The following LARP1 variants were observed in gnomAD, a reference collection of about 807,000 sequenced individuals.
The protein encoded by LARP1 is La ribonucleoprotein 1, translational regulator.
In LARP1, 36 loss-of-function variants were observed where a neutral mutation model predicts 122.7. The ratio of observed to expected loss-of-function variants is 0.29; its 90% CI spans 0.22 to 0.39. LARP1 has a LOEUF of 0.39. Ranked by LOEUF, LARP1 falls within the 10% of genes least tolerant of loss-of-function variation. The pLI, the probability that LARP1 is intolerant of heterozygous loss-of-function variation, is 1.00. For synonymous variants in LARP1, 539 were observed against 528.7 expected (o/e 1.02, Z -0.27); for missense variants, 1,040 against 1,403.6 (o/e 0.74, Z 4.14).
At chr5:154,751,545 G>C (rs1453598769), upstream of LARP1, among the ~76,000 whole-genome samples, 1 of 152,082 alleles carries the variant, frequency 6.6e-6, no homozygotes, top group Non-Finnish European at 1.5e-5. Flanking sequence ...CTGACTATTT[G>C]GTCATTACTA....
intron 8 of LARP1, among the ~76,000 whole-genome samples, chr5:154,798,513 A>G (rs990009663): frequency 1.3e-5 from 2 of 152,126 alleles, no homozygotes; most frequent in South Asian, 2.1e-4. Context: ...TGCTGCTCCT[A>G]TAGATGGATG....
At chr5:154,728,547 A>T (rs949316362) in intron 1 of LARP1, among the ~76,000 whole-genome samples, 7 of 152,112 alleles carry the variant, frequency 4.6e-5, no homozygotes, top group African/African-American at 1.7e-4. Context: ...CTTCTGGGAA[A>T]ATGGAGAGAG....
intron 16 of LARP1, among the ~76,000 whole-genome samples, chr5:154,810,400 C>A (rs1316750768): frequency 6.6e-6 from 1 of 151,288 alleles, no homozygotes; most frequent in South Asian, 2.1e-4. Context: ...CGTGCCACTG[C>A]ACTCCAGCCT....
intron 1 of LARP1, among the ~76,000 whole-genome samples, chr5:154,757,901 C>T (rs1424714669): frequency 7.9e-6 from 1 of 126,098 alleles, no homozygotes; most frequent in Non-Finnish European, 1.7e-5. Context: ...CCCCTTCCCC[C>T]CTCCTCCCCT....
intron 1 of LARP1, among the ~76,000 whole-genome samples, chr5:154,701,767 G>A (rs561524549): frequency 5.3e-5 from 8 of 152,002 alleles, no homozygotes; most frequent in South Asian, 4.2e-4. Context: ...GATTATAGGC[G>A]CCTGCCACCA....
upstream of LARP1, among the ~76,000 whole-genome samples, chr5:154,710,132 T>G (rs1395956634): frequency 2.0e-5 from 3 of 152,108 alleles, no homozygotes; most frequent in Non-Finnish European, 4.4e-5. Flanking sequence ...CTTTGGTGGC[T>G]GCCCGCCGCT....
Position 154,811,655 on chromosome 5 carries a change from TTCTC to T in LARP1, c.3081+17_3081+20del. 1.2e-6 allele frequency: 2 copies of T among 1,614,096 alleles called. No individual in the cohort carries two copies. Among genetic ancestry groups the T allele is most frequent in the Non-Finnish European group, 1.7e-6 (2 of 1,179,978 alleles). ...TCCGAGTAGATGTAAGTGAAACTCT[TTCTC>T]TAACTCTGCTTGTCCTGGAAAGAAA... On this transcript the variant is annotated intron_variant, in intron 18 of 18. Coordinates refer to ENST00000518297, the MANE Select transcript of LARP1 (RefSeq NM_033551.3).
intron 1 of LARP1, among the ~76,000 whole-genome samples, chr5:154,703,775 C>T (rs1468875983): frequency 6.6e-6 from 1 of 152,058 alleles, no homozygotes; most frequent in African/African-American, 2.4e-5. Flanking sequence ...CGCCCACCAC[C>T]ATGCCCAGCT....
At chr5:154,722,646 G>C (rs1180095499) in intron 1 of LARP1, among the ~76,000 whole-genome samples, 1 of 150,852 alleles carries the variant, frequency 6.6e-6, no homozygotes, top group African/African-American at 2.4e-5. Flanking sequence ...TAGAATGTTA[G>C]AGGTGAAAGG....
chr5:154,800,191 T>A, intron 10 of LARP1, 149 bp downstream of exon 10: 1 of 717,234 alleles, frequency 1.4e-6, no homozygotes, highest in Non-Finnish European at 2.2e-6. Flanking sequence ...AAGTTACCAG[T>A]AGTGGCTACA....
intron 1 of LARP1, among the ~76,000 whole-genome samples, chr5:154,714,624 C>A (rs1038628499): frequency 6.6e-6 from 1 of 152,210 alleles, no homozygotes; most frequent in Admixed American, 6.5e-5. Flanking sequence ...AAAGCCCCTT[C>A]TGTGCAGTCA....
intron 1 of LARP1, among the ~76,000 whole-genome samples, chr5:154,724,901 AAG>A: frequency 1.3e-5 from 2 of 152,104 alleles, no homozygotes; most frequent in Non-Finnish European, 2.9e-5. Flanking sequence ...TCCTGAGCTC[AAG>A]TGATCTGCCC....
At chr5:154,777,060 C>T (rs527701633) in intron 1 of LARP1, among the ~76,000 whole-genome samples, 15 of 152,160 alleles carry the variant, frequency 9.9e-5, no homozygotes, top group Non-Finnish European at 2.2e-4. Flanking sequence ...AGTGTACGTA[C>T]ACAAACAAAT....
intron 1 of LARP1, among the ~76,000 whole-genome samples, chr5:154,701,676 C>T (rs1025181262): frequency 6.8e-6 from 1 of 147,856 alleles, no homozygotes. Context: ...GGCTGGAGTG[C>T]AGTGGTGTGA....
intron 1 of LARP1, among the ~76,000 whole-genome samples, chr5:154,730,542 G>A (rs1008481363): frequency 6.6e-6 from 1 of 151,246 alleles, no homozygotes. Flanking sequence ...GCGCAATCTC[G>A]GCTCACTGCA....
chr5:154,724,590 G>A (rs1203902368), intron 1 of LARP1, among the ~76,000 whole-genome samples: 1 of 151,854 alleles, frequency 6.6e-6, no homozygotes, highest in African/African-American at 2.4e-5. Flanking sequence ...AAAAATGCAA[G>A]ATAAATGTTA....
intron 1 of LARP1, chr5:154,756,597 G>A: frequency 1.3e-6 from 1 of 741,430 alleles, no homozygotes; most frequent in Non-Finnish European, 1.6e-6. Context: ...CCCCGTTTTG[G>A]TAGCGTTGCG....
chr5:154,759,522 G>A (rs1416997695), intron 1 of LARP1, among the ~76,000 whole-genome samples: 2 of 152,144 alleles, frequency 1.3e-5, no homozygotes, highest in African/African-American at 2.4e-5. Context: ...AAAAAAATAA[G>A]TTTTAACTTT....
chr5:154,739,077 G>A (rs1389893252), intron 1 of LARP1, among the ~76,000 whole-genome samples: 3 of 152,148 alleles, frequency 2.0e-5, no homozygotes, highest in Admixed American at 1.3e-4. Context: ...GTGCAGTGGT[G>A]CAATCTGTGT....
Sources: gnomAD v4.1 joint callset for allele counts (sites outside exome capture counted in the v4.1 genomes callset) on GRCh38, gnomAD v4.1.1 for gene constraint, MANE v1.5 for transcripts, NCBI Gene and HGNC (gene_info 2026-07-23, HGNC 2026-07-21) for gene names.